ZFPM2: variants seen among roughly 807,000 people sequenced by gnomAD.
ZFPM2 encodes the protein zinc finger protein, FOG family member 2.
In ZFPM2, 20 loss-of-function variants were observed where a neutral mutation model predicts 98.6. The observed-to-expected ratio is 0.20, with a 90% confidence interval of 0.14 to 0.29. The LOEUF (loss-of-function observed/expected upper bound fraction) is 0.29. Among genes scored for constraint, ZFPM2 ranks in the 10% least tolerant of loss-of-function variants. The probability of loss-of-function intolerance (pLI) is 1.00; values close to 1 mark genes in which losing one functional copy is unlikely to be tolerated. For missense variants in ZFPM2, 1,310 were observed against 1,388.6 expected, an observed-to-expected ratio of 0.94 and a Z score of 0.90; for synonymous variants, 518 against 502.7, an observed-to-expected ratio of 1.03 and a Z score of -0.41.
At chr8:105,427,697 G>A (rs528280539) in intron 2 of ZFPM2, among the ~76,000 whole-genome samples, 16 of 152,296 alleles carry the variant, frequency 1.1e-4, no homozygotes, top group Admixed American at 9.8e-4. Flanking sequence ...ATGAATTTAA[G>A]TATAGTAATA....
chr8:105,377,607 C>CAAAAAAAAAAAAAAAAAA lies in ZFPM2; in HGVS notation c.41-41528_41-41511dup, dbSNP rs36124912. On this transcript the variant is annotated intron_variant, in intron 1 of 7. Transcript: ENST00000407775. ...CAAAACCCCGTTTTTCTTAAAAATC[C>CAAAAAAAAAAAAAAAAAA]AAAAAAAAAAAAAAAAAAAAAAAAA... Among the ~76,000 whole-genome samples, 17 of 63,876 alleles carry CAAAAAAAAAAAAAAAAAA rather than the reference C, an allele frequency of 2.7e-4. 8 individuals carry two copies. Among genetic ancestry groups the CAAAAAAAAAAAAAAAAAA allele is most frequent in the African/African-American group, 6.6e-4 (11 of 16,590 alleles). 41.9% of individuals were successfully genotyped at this position (63,876 alleles called of 152,430 possible). A position where few individuals can be genotyped will look rare whatever the true frequency, so the allele number is the denominator to read the frequency against.
At chr8:105,378,263 G>A (rs1810769661) in intron 1 of ZFPM2, among the ~76,000 whole-genome samples, 1 of 152,054 alleles carries the variant, frequency 6.6e-6, no homozygotes, top group Admixed American at 6.6e-5. Flanking sequence ...TTAGGGAGGC[G>A]GGGTCCCCAA....
intron 5 of ZFPM2, among the ~76,000 whole-genome samples, chr8:105,775,320 C>T (rs1431057090): frequency 6.6e-6 from 1 of 151,766 alleles, no homozygotes; most frequent in Non-Finnish European, 1.5e-5. Flanking sequence ...CTCCCCTCTT[C>T]TTTTTCCCTC....
At chr8:105,736,941 C>T (rs1263601957) in intron 5 of ZFPM2, among the ~76,000 whole-genome samples, 3 of 151,958 alleles carry the variant, frequency 2.0e-5, no homozygotes, top group South Asian at 2.1e-4. Context: ...GATATTTCAT[C>T]GACTCATTAA....
chr8:105,403,540 T>C (rs1035194997), intron 1 of ZFPM2, among the ~76,000 whole-genome samples: 7 of 152,258 alleles, frequency 4.6e-5, no homozygotes, highest in African/African-American at 1.7e-4. Context: ...TTAAAAATCA[T>C]TTTATAAAGT....
chr8:105,801,581 A>G lies in ZFPM2; in HGVS notation c.1499A>G (p.Gln500Arg), dbSNP rs754618552. ...TTCCCTGTGGGCCCTTTCCTATCTC[A>G]GTTTTCTTTCCCCCAAGATATCACC... ...PSFPVGPFLS[Q>R]FSFPQDITMV... Residue 500 changes from glutamine to arginine, a missense_variant, in exon 8 of 8, where the codon CAG (glutamine) becomes CGG (arginine). Physicochemically the swap from Gln to Arg is conservative, Grantham distance 43. Transcript: ENST00000407775. 6.2e-7 allele frequency: 1 copy of G among 1,613,586 alleles called. No individual in the cohort carries two copies. The highest frequency in any genetic ancestry group is 8.5e-7 in the Non-Finnish European group (1 of 1,179,800).
At chr8:105,567,307 C>T (rs1373764447) in intron 4 of ZFPM2, among the ~76,000 whole-genome samples, 1 of 152,154 alleles carries the variant, frequency 6.6e-6, no homozygotes, top group Non-Finnish European at 1.5e-5. Context: ...AGAGCAAACT[C>T]CTTGCAAGCT....
intron 1 of ZFPM2, among the ~76,000 whole-genome samples, chr8:105,401,073 G>A (rs1281049259): frequency 6.6e-6 from 1 of 151,606 alleles, no homozygotes; most frequent in Non-Finnish European, 1.5e-5. Context: ...TTCTAGGAAT[G>A]TATTATGTAG....
chr8:105,579,420 C>G (rs1815538884), intron 4 of ZFPM2, among the ~76,000 whole-genome samples: 1 of 152,102 alleles, frequency 6.6e-6, no homozygotes, highest in Non-Finnish European at 1.5e-5. Flanking sequence ...GAGACAGTAT[C>G]ACTGATTCAT....
intron 4 of ZFPM2, among the ~76,000 whole-genome samples, chr8:105,568,630 C>T (rs1421752120): frequency 6.6e-6 from 1 of 152,134 alleles, no homozygotes; most frequent in African/African-American, 2.4e-5. Flanking sequence ...TCGAAAGCCC[C>T]ACCGCTTCTC....
At chr8:105,483,533 T>C (rs928597545) in intron 3 of ZFPM2, among the ~76,000 whole-genome samples, 1 of 150,166 alleles carries the variant, frequency 6.7e-6, no homozygotes, top group Non-Finnish European at 1.5e-5. Flanking sequence ...GAGGTTGCAG[T>C]GAGCTGAGAT....
At chr8:105,782,419 T>A (rs1247828857) in intron 5 of ZFPM2, 1 of 152,250 alleles carries the variant, frequency 6.6e-6, no homozygotes. Flanking sequence ...CATCTTTGCA[T>A]TGAGGACAAA....
intron 1 of ZFPM2, among the ~76,000 whole-genome samples, chr8:105,325,883 A>G (rs1372011965): frequency 6.6e-6 from 1 of 151,810 alleles, no homozygotes; most frequent in East Asian, 1.9e-4. Context: ...ATATGTGATT[A>G]TCATTAGGTA....
chr8:105,795,214 G>A (rs1407794436), intron 6 of ZFPM2, among the ~76,000 whole-genome samples: 2 of 150,988 alleles, frequency 1.3e-5, no homozygotes, highest in Admixed American at 6.6e-5. Context: ...GTTCCTATTC[G>A]GCCATCTTGG....
chr8:105,731,006 T>C (rs890107687), intron 5 of ZFPM2, among the ~76,000 whole-genome samples: 1 of 151,626 alleles, frequency 6.6e-6, no homozygotes, highest in African/African-American at 2.4e-5. Context: ...TCAACACTTA[T>C]CTTGACTACT....
At chr8:105,415,856 A>G (rs1586356123) in intron 1 of ZFPM2, among the ~76,000 whole-genome samples, 2 of 152,244 alleles carry the variant, frequency 1.3e-5, no homozygotes, top group South Asian at 4.1e-4. Context: ...TAAAGCTGAC[A>G]CTTGCTTTGG....
intron 5 of ZFPM2, among the ~76,000 whole-genome samples, chr8:105,701,025 T>G (rs1324043977): frequency 6.6e-6 from 1 of 152,238 alleles, no homozygotes; most frequent in African/African-American, 2.4e-5. Context: ...TTTGTTGGTA[T>G]TTTTGTTGGG....
At chr8:105,419,430 T>A (rs1304106109) in intron 2 of ZFPM2, 128 bp downstream of exon 2, 12 of 1,163,722 alleles carry the variant, frequency 1.0e-5, no homozygotes, top group African/African-American at 1.6e-5. Flanking sequence ...GTGCAGATTT[T>A]TTTAAACATA....
chr8:105,610,170 GC>G (rs1227458999), intron 4 of ZFPM2, among the ~76,000 whole-genome samples: 1 of 152,126 alleles, frequency 6.6e-6, no homozygotes, highest in Non-Finnish European at 1.5e-5. Context: ...TTAGATAGTC[GC>G]CTTAGTAACA....
Sources: gnomAD v4.1 joint callset for allele counts (sites outside exome capture counted in the v4.1 genomes callset) on GRCh38, gnomAD v4.1.1 for gene constraint, MANE v1.5 for transcripts, NCBI Gene and HGNC (gene_info 2026-07-23, HGNC 2026-07-21) for gene names.